SLC2A13: variants seen among roughly 807,000 people sequenced by gnomAD.
The protein encoded by SLC2A13 is solute carrier family 2 member 13.
SLC2A13 carries 32 observed loss-of-function variants against 64.4 expected under a neutral mutation model. The observed-to-expected ratio is 0.50, with a 90% CI of 0.37 to 0.67. The LOEUF (loss-of-function observed/expected upper bound fraction) is 0.67, where lower values mean the gene tolerates loss of function less well. Among genes scored for constraint, SLC2A13 ranks in the 30% least tolerant of loss-of-function variants. SLC2A13 has a pLI of 0.00. For missense variants in SLC2A13, 743 were observed against 829.2 expected (o/e 0.90, Z 1.28); for synonymous variants, 338 against 327.1 (o/e 1.03, Z -0.36).
At chr12:39,956,655 G>T (rs1276403504) in intron 3 of SLC2A13, among the ~76,000 whole-genome samples, 1 of 152,164 alleles carries the variant, frequency 6.6e-6, no homozygotes, top group East Asian at 1.9e-4. Context: ...CTGAAGTAAT[G>T]AAGTCTGCTG....
intron 4 of SLC2A13, among the ~76,000 whole-genome samples, chr12:39,949,110 A>T (rs1231055640): frequency 6.6e-6 from 1 of 152,184 alleles, no homozygotes; most frequent in Non-Finnish European, 1.5e-5. Context: ...GTGTATCATA[A>T]TGACACTGAC....
chr12:39,861,823 C>T (rs1943767079), intron 6 of SLC2A13, among the ~76,000 whole-genome samples: 1 of 152,052 alleles, frequency 6.6e-6, no homozygotes. Flanking sequence ...CTGTCTTTAT[C>T]TTTGTGCACA....
chr12:40,030,526 T>G (rs1197361578), intron 2 of SLC2A13, among the ~76,000 whole-genome samples: 1 of 151,428 alleles, frequency 6.6e-6, no homozygotes, highest in Non-Finnish European at 1.5e-5. Flanking sequence ...TATGTTTCAT[T>G]TATCTACACT....
intron 2 of SLC2A13, among the ~76,000 whole-genome samples, chr12:40,042,238 T>G (rs1565602110): frequency 6.7e-6 from 1 of 148,318 alleles, no homozygotes. Flanking sequence ...GATAAGCCTG[T>G]TTTTTTTTTA....
chr12:40,050,386 T>C (rs1010444555), intron 1 of SLC2A13, among the ~76,000 whole-genome samples: 3 of 152,174 alleles, frequency 2.0e-5, no homozygotes, highest in African/African-American at 4.8e-5. Flanking sequence ...AATGCAGGTA[T>C]GTCCTCAGAC....
At chr12:39,954,408 G>T (rs373581352) in intron 3 of SLC2A13, among the ~76,000 whole-genome samples, 9 of 152,134 alleles carry the variant, frequency 5.9e-5, no homozygotes, top group African/African-American at 2.2e-4. Context: ...ATTCAGTTGA[G>T]TACTGATCAG....
intron 4 of SLC2A13, among the ~76,000 whole-genome samples, chr12:39,936,311 T>G (rs893136227): frequency 1.5e-4 from 23 of 152,186 alleles, no homozygotes; most frequent in Non-Finnish European, 4.4e-5. Flanking sequence ...TGTGGATGCT[T>G]GAACTAGAAG....
At chr12:39,792,940 T>C (rs1169328698) in intron 7 of SLC2A13, among the ~76,000 whole-genome samples, 2 of 152,148 alleles carry the variant, frequency 1.3e-5, no homozygotes, top group African/African-American at 4.8e-5. Flanking sequence ...TGAACCAAAG[T>C]TATGAACTTT....
intron 4 of SLC2A13, among the ~76,000 whole-genome samples, chr12:39,910,236 A>G (rs1239975705): frequency 6.6e-6 from 1 of 152,096 alleles, no homozygotes; most frequent in Non-Finnish European, 1.5e-5. Flanking sequence ...TCCATCTTTA[A>G]TAATGGCTGT....
chr12:40,099,106 T>C (rs1939060387), intron 1 of SLC2A13, among the ~76,000 whole-genome samples: 1 of 152,240 alleles, frequency 6.6e-6, no homozygotes, highest in Non-Finnish European at 1.5e-5. Flanking sequence ...CATGTAGTAC[T>C]CTCAACTTGA....
At chr12:39,951,707 C>T (rs1263949911) in intron 3 of SLC2A13, among the ~76,000 whole-genome samples, 3 of 152,170 alleles carry the variant, frequency 2.0e-5, no homozygotes, top group Non-Finnish European at 4.4e-5. Context: ...CTTTGTTCTT[C>T]AACTTTCTTG....
chr12:39,810,390 A>C (rs1440475517), intron 7 of SLC2A13, among the ~76,000 whole-genome samples: 2 of 152,152 alleles, frequency 1.3e-5, no homozygotes, highest in Non-Finnish European at 2.9e-5. Context: ...ACTTTGTTAC[A>C]TTCATTTATT....
At chr12:39,808,966 G>T (rs1160442819) in intron 7 of SLC2A13, among the ~76,000 whole-genome samples, 1 of 151,910 alleles carries the variant, frequency 6.6e-6, no homozygotes, top group Non-Finnish European at 1.5e-5. Flanking sequence ...TGCTTTTTGT[G>T]TCCTATCTAC....
At chr12:39,995,936 G>GT (rs1356595587) in intron 3 of SLC2A13, among the ~76,000 whole-genome samples, 3 of 152,336 alleles carry the variant, frequency 2.0e-5, no homozygotes, top group African/African-American at 7.2e-5. Context: ...ACATGGAACT[G>GT]TAAGTCCACT....
At chr12:39,917,684 A>C (rs993623828) in intron 4 of SLC2A13, among the ~76,000 whole-genome samples, 11 of 151,896 alleles carry the variant, frequency 7.2e-5, no homozygotes, top group African/African-American at 2.2e-4. Context: ...CCTTGTTTGC[A>C]GGTTTTCGGA....
chr12:40,085,270 C>A (rs1338998484), intron 1 of SLC2A13, among the ~76,000 whole-genome samples: 2 of 152,204 alleles, frequency 1.3e-5, no homozygotes, highest in Non-Finnish European at 2.9e-5. Context: ...TTTCTGATTT[C>A]TGTGAACCAC....
intron 4 of SLC2A13, among the ~76,000 whole-genome samples, chr12:39,941,371 T>C (rs1271099145): frequency 2.0e-5 from 3 of 152,188 alleles, no homozygotes; most frequent in African/African-American, 7.2e-5. Context: ...GTAGCTGTAC[T>C]AGTTTACATT....
At chr12:39,924,003 TA>T (rs1306638689) in intron 4 of SLC2A13, among the ~76,000 whole-genome samples, 2 of 152,124 alleles carry the variant, frequency 1.3e-5, no homozygotes, top group African/African-American at 4.8e-5. Context: ...CTTTTATACT[TA>T]AAACTCCAAA....
intron 4 of SLC2A13, among the ~76,000 whole-genome samples, chr12:39,882,943 T>C (rs1944380106): frequency 6.6e-6 from 1 of 152,224 alleles, no homozygotes; most frequent in Non-Finnish European, 1.5e-5. Context: ...AGTCTATGTG[T>C]GTTTCACTCT....
Sources: allele counts gnomAD v4.1 joint callset (sites outside exome capture counted in the v4.1 genomes callset), GRCh38; gene constraint gnomAD v4.1.1; transcripts MANE v1.5; gene names NCBI Gene and HGNC (gene_info 2026-07-23, HGNC 2026-07-21).